Variants in ABCB1 observed in about 807,000 individuals in gnomAD.
The protein encoded by ABCB1 is ATP binding cassette subfamily B member 1, also known as ATP-dependent translocase ABCB1.
ABCB1 carries 69 observed loss-of-function variants against 142.0 expected under a neutral mutation model. That is an observed-to-expected ratio of 0.49 (90% confidence interval 0.40 to 0.59). The LOEUF (loss-of-function observed/expected upper bound fraction) is 0.59, where lower values mean the gene tolerates loss of function less well. Among genes scored for constraint, ABCB1 ranks in the 20% least tolerant of loss-of-function variants. ABCB1 has a pLI of 0.00. For missense variants in ABCB1, 1,326 were observed against 1,554.7 expected (o/e 0.85, Z 2.47); for synonymous variants, 532 against 539.2 (o/e 0.99, Z 0.18).
intron 5 of ABCB1, 96 bp from the exon 6 acceptor site, chr7:87,567,072 G>T (rs913466622): frequency 4.4e-6 from 5 of 1,144,050 alleles, no homozygotes; most frequent in Admixed American, 1.9e-5. Flanking sequence ...CACTTATCTG[G>T]GTATCTCGCC....
rs543281081 is a variant in ABCB1 at position 87,667,612 on chromosome 7, G to T, written c.-331+45549C>A. Reference sequence around the variant, plus strand: ...CTTTTGCCCATTCAGCATAAAGTTGGCTGTGGGTTTGTCATAGATGGCTCT... The same window carrying T: ...CTTTTGCCCATTCAGCATAAAGTTGTCTGTGGGTTTGTCATAGATGGCTCT... On this transcript the variant is annotated intron_variant, in intron 1 of 28. Transcript: ENST00000265724. 3.3e-5 allele frequency among the ~76,000 whole-genome samples: 5 copies of T among 152,190 alleles called. No individual in the cohort carries two copies. In the South Asian group the frequency reaches 8.3e-4, roughly 25 times the overall value.
chr7:87,607,127 A>T (rs1819683246), intron 1 of ABCB1, among the ~76,000 whole-genome samples: 1 of 152,172 alleles, frequency 6.6e-6, no homozygotes, highest in Non-Finnish European at 1.5e-5. Flanking sequence ...GGGAGGCTGA[A>T]ATAACTGGAT....
At chr7:87,523,008 T>G (rs1045183948) in intron 21 of ABCB1, among the ~76,000 whole-genome samples, 6 of 152,216 alleles carry the variant, frequency 3.9e-5, no homozygotes, top group Admixed American at 3.9e-4. Context: ...TTAAAAATAG[T>G]GGTGAGATAA....
At chr7:87,553,637 G>C (rs751195038) in intron 9 of ABCB1, 124 bp downstream of exon 9, 1 of 1,059,904 alleles carries the variant, frequency 9.4e-7, no homozygotes, top group Non-Finnish European at 1.4e-6. Flanking sequence ...TTTTAACCTA[G>C]TAGTGCATAT....
chr7:87,641,966 A>G (rs982883076), intron 1 of ABCB1, among the ~76,000 whole-genome samples: 1 of 152,152 alleles, frequency 6.6e-6, no homozygotes, highest in South Asian at 2.1e-4. Flanking sequence ...TAAAATTTTC[A>G]TAAATCAATC....
At chr7:87,608,860 A>G (rs987611013) in intron 1 of ABCB1, among the ~76,000 whole-genome samples, 9 of 152,202 alleles carry the variant, frequency 5.9e-5, no homozygotes, top group Admixed American at 4.6e-4. Context: ...CTAGCAGACC[A>G]ATGAACAGTT....
intron 1 of ABCB1, among the ~76,000 whole-genome samples, chr7:87,625,756 G>A (rs569918525): frequency 5.3e-5 from 8 of 152,024 alleles, no homozygotes; most frequent in African/African-American, 1.9e-4. Context: ...ATAAGCCTCC[G>A]TGTCACAGGA....
chr7:87,554,449 G>T (rs1817228474), intron 8 of ABCB1, among the ~76,000 whole-genome samples: 1 of 152,094 alleles, frequency 6.6e-6, no homozygotes, highest in African/African-American at 2.4e-5. Flanking sequence ...CAACTGAGAG[G>T]TTACATGTGT....
chr7:87,527,485 G>A (rs1056616046), intron 21 of ABCB1, among the ~76,000 whole-genome samples: 2 of 152,138 alleles, frequency 1.3e-5, no homozygotes, highest in Non-Finnish European at 2.9e-5. Context: ...GCAACTAACT[G>A]CAGCTGCAGA....
At chr7:87,556,885 T>C (rs1817333407) in intron 8 of ABCB1, among the ~76,000 whole-genome samples, 1 of 149,828 alleles carries the variant, frequency 6.7e-6, no homozygotes, top group Admixed American at 6.6e-5. Context: ...CTCATTCAAC[T>C]GAGCTTCAGT....
rs1465311206 is a variant in ABCB1 at position 87,503,825 on chromosome 7, A to G, written c.*418T>C. 2 of 230,844 alleles carry G rather than the reference A, an allele frequency of 8.7e-6. No individual in the cohort carries two copies. Among genetic ancestry groups the G allele is most frequent in the Non-Finnish European group, 1.7e-5 (2 of 115,828 alleles). 14.3% of individuals were successfully genotyped at this position (230,844 alleles called of 1,614,324 possible). A position where few individuals can be genotyped will look rare whatever the true frequency, so the allele number is the denominator to read the frequency against. On this transcript the variant is annotated 3_prime_UTR_variant, in exon 28 of 28. Transcript: ENST00000622132. Reference sequence around the variant, plus strand: ...TATCTACAATATTCCAATTGAGAGAAGATATATTCACAGGCAGTTTGGACA... The same window carrying G: ...TATCTACAATATTCCAATTGAGAGAGGATATATTCACAGGCAGTTTGGACA...
In ABCB1 at chr7:87,509,424, C is replaced by G. The variant is rs747650743; in HGVS notation, c.3340G>C (p.Gly1114Arg). 2.5e-6 allele frequency: 4 copies of G among 1,614,176 alleles called. No individual in the cohort carries two copies. Among genetic ancestry groups the G allele is most frequent in the Non-Finnish European group, 3.4e-6 (4 of 1,180,036 alleles). The change falls in exon 26 of 28, where the codon GGC becomes CGC. Residue 1114 changes from glycine to arginine, a missense_variant. By Grantham distance (125) the Gly-to-Arg change is moderately radical. Coordinates refer to ENST00000622132, the MANE Select transcript of ABCB1 (RefSeq NM_001348946.2). ...AGGATGGGCTCCTGGGACACGATGCCCAGGTGTGCTCGGAGCCACTGAACA... is the reference window on the plus strand; with the variant it reads ...AGGATGGGCTCCTGGGACACGATGCGCAGGTGTGCTCGGAGCCACTGAACA... ...LNVQWLRAHL[G>R]IVSQEPILFD...
chr7:87,707,067 G>A (rs1053526566), intron 1 of ABCB1, among the ~76,000 whole-genome samples: 1 of 152,032 alleles, frequency 6.6e-6, no homozygotes, highest in Non-Finnish European at 1.5e-5. Context: ...CCTAAAAGTA[G>A]TCCCCTAAAT....
In ABCB1 at chr7:87,516,600, T is replaced by G. The variant is rs756391728; in HGVS notation, c.2993A>C (p.Tyr998Ser). 6.2e-7 allele frequency: 1 copy of G among 1,614,200 alleles called. No homozygotes were observed. Among genetic ancestry groups the G allele is most frequent in the Admixed American group, 1.7e-5 (1 of 60,032 alleles). The change falls in exon 24 of 28, where the codon TAT (tyrosine) becomes TCT (serine). Residue 998 changes from tyrosine (Y) to serine (S), a missense_variant. Tyr to Ser is a moderately radical substitution (Grantham distance 144). Coordinates refer to ENST00000622132, the MANE Select transcript of ABCB1 (RefSeq NM_001348946.2). ...VGQVSSFAPDYAKAKISAAHI... is the reference protein window; with the variant it reads ...VGQVSSFAPDSAKAKISAAHI... ...GGCTGCTGATATTTTGGCTTTGGCA[T>G]AGTCAGGAGCAAATGAACTGACTTG...
At chr7:87,640,286 A>G (rs1329189611) in intron 1 of ABCB1, among the ~76,000 whole-genome samples, 2 of 151,550 alleles carry the variant, frequency 1.3e-5, no homozygotes, top group Admixed American at 6.6e-5. Flanking sequence ...TTATCCACAT[A>G]TTTACCCTTT....
intron 1 of ABCB1, among the ~76,000 whole-genome samples, chr7:87,703,102 A>G (rs1021267416): frequency 2.0e-5 from 3 of 152,212 alleles, no homozygotes; most frequent in Non-Finnish European, 4.4e-5. Context: ...TTGAAAATTG[A>G]TATTTACAGT....
intron 5 of ABCB1, among the ~76,000 whole-genome samples, chr7:87,568,060 G>A (rs1313565997): frequency 6.7e-6 from 1 of 150,186 alleles, no homozygotes; most frequent in East Asian, 1.9e-4. Flanking sequence ...CCGAGATCGT[G>A]CCACTGCACT....
intron 27 of ABCB1, among the ~76,000 whole-genome samples, chr7:87,504,730 G>C (rs921244187): frequency 6.6e-6 from 1 of 151,656 alleles, no homozygotes; most frequent in Non-Finnish European, 1.5e-5. Flanking sequence ...GTGTGAACCC[G>C]GGAGGCAGAG....
chr7:87,664,688 T>C (rs1241165304), intron 1 of ABCB1, among the ~76,000 whole-genome samples: 5 of 152,062 alleles, frequency 3.3e-5, no homozygotes, highest in African/African-American at 1.2e-4. Context: ...AGTAAATCAA[T>C]AGAAATGATC....
Sources: gnomAD v4.1 joint callset for allele counts (sites outside exome capture counted in the v4.1 genomes callset) on GRCh38, gnomAD v4.1.1 for gene constraint, MANE v1.5 for transcripts, NCBI Gene and HGNC (gene_info 2026-07-23, HGNC 2026-07-21) for gene names.